Variants in MUC4 observed in about 807,000 individuals in gnomAD.
The protein encoded by MUC4 is mucin-4.
MUC4 carries 202 observed loss-of-function variants against 257.9 expected under a neutral mutation model. That is an observed-to-expected ratio of 0.78 (90% CI 0.70 to 0.88). MUC4 has a LOEUF of 0.88. Among genes scored for constraint, MUC4 ranks in the 40% least tolerant of loss-of-function variants. The pLI is 0.00. For missense variants in MUC4, 5,976 were observed against 6,513.7 expected, an observed-to-expected ratio of 0.92 and a Z score of 2.84; for synonymous variants, 2,351 against 2,757.1, an observed-to-expected ratio of 0.85 and a Z score of 4.62.
chr3:195,775,901 A>G (rs1202470936), intron 3 of MUC4, among the ~76,000 whole-genome samples: 6 of 114,694 alleles, frequency 5.2e-5, no homozygotes, highest in Admixed American at 8.7e-5. Flanking sequence ...CATACCTTCC[A>G]CACCCATACC....
intron 1 of MUC4, among the ~76,000 whole-genome samples, chr3:195,791,727 C>T (rs930372358): frequency 6.6e-6 from 1 of 152,196 alleles, no homozygotes; most frequent in African/African-American, 2.4e-5. Flanking sequence ...GGCTACCTGA[C>T]TTCAAACTAT....
intron 21 of MUC4, chr3:195,751,472 T>A (rs1351441177): frequency 3.3e-6 from 2 of 606,496 alleles, no homozygotes; most frequent in African/African-American, 3.7e-5. Flanking sequence ...TAATAATGTT[T>A]GTTGAGAGTG....
At position 195,782,239 on chromosome 3, in the gene MUC4, G is replaced by A. The variant is rs1163131062; in HGVS notation, c.9341C>T (p.Ser3114Phe). 2 of 1,531,346 alleles carry A rather than the reference G, an allele frequency of 1.3e-6. No homozygotes were observed. Among genetic ancestry groups the A allele is most frequent in the East Asian group, 2.5e-5 (1 of 39,994 alleles). The allele number at this position is 1,531,346 out of a possible 1,614,324, so 94.9% of individuals were successfully genotyped here. A position where few individuals can be genotyped will look rare whatever the true frequency, so the allele number is the denominator to read the frequency against. Residue 3114 changes from serine (S) to phenylalanine (F), a missense_variant, in exon 2 of 25, where the codon TCC becomes TTC. Ser to Phe is a radical substitution (Grantham distance 155). This residue lies in a region of MUC4 where 128 missense variants were observed against 104.8 expected (regional missense o/e 1.22). Coordinates refer to ENST00000463781, the MANE Select transcript of MUC4 (RefSeq NM_018406.7). Reference protein sequence around the residue: ...PLPVTSPSSASTGHTTPLPVT... With the variant: ...PLPVTSPSSAFTGHTTPLPVT... ...AGGAAGAGGGGTGGTGTGACCTGTG[G>A]ATGCTGAGGAAGGGCTAGTGACAGG... is the stretch of plus-strand genomic sequence containing the variant.
intron 1 of MUC4, among the ~76,000 whole-genome samples, chr3:195,807,632 T>G (rs562970043): frequency 6.6e-6 from 1 of 152,228 alleles, no homozygotes; most frequent in East Asian, 1.9e-4. Context: ...AAGACGTATA[T>G]TTAAGGTAAA....
chr3:195,756,451 G>A (rs1293631395), intron 18 of MUC4, among the ~76,000 whole-genome samples: 1 of 152,260 alleles, frequency 6.6e-6, no homozygotes, highest in East Asian at 1.9e-4. Context: ...CTGGCAGAAG[G>A]GGAGGTGGGA....
chr3:195,799,130 C>T (rs746536512), intron 1 of MUC4, among the ~76,000 whole-genome samples: 12 of 152,112 alleles, frequency 7.9e-5, no homozygotes, highest in Non-Finnish European at 1.3e-4. Flanking sequence ...AATGAGAGCT[C>T]GGGGGTCATG....
Position 195,788,479 on chromosome 3 carries a change from G to T in MUC4, c.3101C>A (p.Ser1034Tyr), listed in dbSNP as rs374910252. Residue 1034 changes from serine to tyrosine, a missense_variant, in exon 2 of 25, where the codon TCC becomes TAC. Around this residue, in one of 44 missense-constraint regions of MUC4, gnomAD observed 1,583 missense variants for 1,257.4 expected, o/e 1.26. Coordinates refer to ENST00000463781, the MANE Select transcript of MUC4 (RefSeq NM_018406.7). Reference protein sequence around the residue: ...PLPVTDTSSESTGHVTPLPVT... With the variant: ...PLPVTDTSSEYTGHVTPLPVT... ...AGGAAGAGGGGTGACGTGACCTGTG[G>T]ATTCTGAGGAAGTGTCGGTGACAGG... The T allele has an allele frequency of 6.5e-7, 1 of 1,545,670 alleles. No individual in the cohort carries two copies. The highest frequency in any genetic ancestry group is 8.7e-7 in the Non-Finnish European group (1 of 1,143,938).
chr3:195,768,969 C>T (rs1722212233), intron 7 of MUC4, 53 bp downstream of exon 7: 2 of 1,581,410 alleles, frequency 1.3e-6, no homozygotes, highest in Admixed American at 3.4e-5. Flanking sequence ...CGAAAGCCGA[C>T]TCTACACCCC....
chr3:195,767,632 A>ACCACCACCATCG (rs1721300224), intron 7 of MUC4, among the ~76,000 whole-genome samples: 2 of 120,260 alleles, frequency 1.7e-5, no homozygotes. Flanking sequence ...CACCACCATC[A>ACCACCACCATCG]CCACCACCAT....
Position 195,786,732 on chromosome 3 carries a change from A to T in MUC4, c.4848T>A (p.Pro1616=). 6.6e-7 allele frequency: 1 copy of T among 1,518,250 alleles called. No homozygotes were observed. Among genetic ancestry groups the T allele is most frequent in the East Asian group, 2.5e-5 (1 of 39,426 alleles). 94.0% of individuals were successfully genotyped at this position (1,518,250 alleles called of 1,614,324 possible). ...PSSASTGHTT[P]LPVTDTSSAS... is the part of the protein sequence containing the mutation. ...CTGAGGAAGTGTCGGTGACAGGAAG[A>T]GGGGTGGTGTGACCTGTAGATGCTG... Residue 1616 remains proline (P), a synonymous_variant, in exon 2 of 25, where the codon CCT becomes CCA. Transcript: ENST00000463781.
intron 1 of MUC4, among the ~76,000 whole-genome samples, chr3:195,795,465 C>T (rs1734456725): frequency 6.6e-6 from 1 of 151,978 alleles, no homozygotes; most frequent in Non-Finnish European, 1.5e-5. Flanking sequence ...CAGATAAATA[C>T]AGGTTATAAA....
At position 195,788,615 on chromosome 3, in the gene MUC4, G is replaced by T. The variant is rs200755700; in HGVS notation, c.2965C>A (p.His989Asn). 4 of 1,589,492 alleles carry T rather than the reference G, an allele frequency of 2.5e-6. No homozygotes were observed. The highest frequency in any genetic ancestry group is 1.1e-5 in the South Asian group (1 of 87,960). The change falls in exon 2 of 25, where the codon CAC becomes AAC. Residue 989 changes from histidine to asparagine, a missense_variant. Transcript: ENST00000463781. ...TCGGTGACATGAAGAGGGGTGGTGTGACCTGTGGATGCCGAGGAAGCGTAG... is the reference window on the plus strand; with the variant it reads ...TCGGTGACATGAAGAGGGGTGGTGTTACCTGTGGATGCCGAGGAAGCGTAG... ...VTYASSASTG[H>N]TTPLHVTDAS...
chr3:195,799,698 A>T (rs1735056997), intron 1 of MUC4, among the ~76,000 whole-genome samples: 1 of 152,222 alleles, frequency 6.6e-6, no homozygotes. Context: ...ATTTTAAATA[A>T]AGCCCTGATG....
Position 195,789,512 on chromosome 3 carries a change from T to C in MUC4, c.2068A>G (p.Ser690Gly), listed in dbSNP as rs747396626. The C allele has an allele frequency of 6.2e-7, 1 of 1,613,888 alleles. No homozygotes were observed. The highest frequency in any genetic ancestry group is 1.1e-5 in the South Asian group (1 of 91,068). Residue 690 changes from serine to glycine, a missense_variant, in exon 2 of 25, where the codon AGT (serine) becomes GGT (glycine). Ser to Gly is a moderately conservative substitution (Grantham distance 56). Coordinates refer to ENST00000463781, the MANE Select transcript of MUC4 (RefSeq NM_018406.7). Reference sequence around the variant, plus strand: ...GCTGGGGCAAAGGTTGTTGCTGCACTTATGGTGGGTGCGTCCTGAGGAACA... The same window carrying C: ...GCTGGGGCAAAGGTTGTTGCTGCACCTATGGTGGGTGCGTCCTGAGGAACA... ...EIVPQDAPTI[S>G]AATTFAPAPT...
At chr3:195,749,605 A>T (rs1429483629) in intron 23 of MUC4, among the ~76,000 whole-genome samples, 1 of 152,180 alleles carries the variant, frequency 6.6e-6, no homozygotes. Flanking sequence ...AAACAATGGT[A>T]ATGATTATTA....
Position 195,772,386 on chromosome 3 carries a change from C to T in MUC4, c.13078-570G>A, listed in dbSNP as rs538187863. On this transcript the variant is annotated intron_variant, in intron 4 of 24. Transcript: ENST00000463781. ...GGGTGTAGACACCCTCCCTTCATCG[C>T]TCAGGGGTGTAGACACCCTCCCTTC... 2.9e-4 allele frequency among the ~76,000 whole-genome samples: 40 copies of T among 140,264 alleles called. 1 individual carries two copies. The highest frequency in any genetic ancestry group is 1.1e-3 in the African/African-American group (39 of 36,892). 92.0% of individuals were successfully genotyped at this position (140,264 alleles called of 152,430 possible). A position where few individuals can be genotyped will look rare whatever the true frequency, so the allele number is the denominator to read the frequency against.
At chr3:195,772,030 C>CGGGTG (rs1159857611) in intron 4 of MUC4, among the ~76,000 whole-genome samples, 3 of 152,192 alleles carry the variant, frequency 2.0e-5, no homozygotes, top group Non-Finnish European at 2.9e-5. Flanking sequence ...CTTGCGTCCT[C>CGGGTG]GGGTGGTAGG....
intron 1 of MUC4, among the ~76,000 whole-genome samples, chr3:195,797,085 A>G (rs60130776): frequency 0.01 from 1,569 of 152,118 alleles, 31 homozygotes; most frequent in African/African-American, 0.036. Context: ...TCTGGTAAAA[A>G]TACAAAAAAT....
At chr3:195,761,414 G>T in intron 15 of MUC4, 70 bp downstream of exon 15, 1 of 1,330,698 alleles carries the variant, frequency 7.5e-7, no homozygotes, top group Non-Finnish European at 1.1e-6. Context: ...CTACAGGGCC[G>T]AGGGGGACGA....
Sources: allele counts gnomAD v4.1 joint callset (sites outside exome capture counted in the v4.1 genomes callset), GRCh38; gene constraint gnomAD v4.1.1; regional missense constraint gnomAD v4.1.1; transcripts MANE v1.5; gene names NCBI Gene and HGNC (gene_info 2026-07-23, HGNC 2026-07-21).